CTTNBP2: variants seen among roughly 807,000 people sequenced by gnomAD.
CTTNBP2 encodes cortactin binding protein 2.
CTTNBP2 carries 108 observed loss-of-function variants against 156.9 expected under a neutral mutation model. The observed-to-expected ratio is 0.69, with a 90% confidence interval of 0.59 to 0.81. CTTNBP2 has a LOEUF of 0.81. CTTNBP2 is among the 30% of genes least tolerant of loss of function. CTTNBP2 has a pLI of 0.00. For synonymous variants in CTTNBP2, 767 were observed against 751.8 expected (o/e 1.02, Z -0.33); for missense variants, 1,924 against 2,035.4 (o/e 0.95, Z 1.05).
At chr7:117,818,843 A>C (rs1800779353) in intron 2 of CTTNBP2, among the ~76,000 whole-genome samples, 1 of 152,222 alleles carries the variant, frequency 6.6e-6, no homozygotes, top group Non-Finnish European at 1.5e-5. Context: ...CCAAGGAATA[A>C]AATTATGGCT....
chr7:117,796,348 C>T (rs189430566), intron 3 of CTTNBP2, among the ~76,000 whole-genome samples: 2 of 152,040 alleles, frequency 1.3e-5, no homozygotes, highest in Admixed American at 6.5e-5. Context: ...AATCTTTGAC[C>T]ATTTCAGCTC....
intron 4 of CTTNBP2, among the ~76,000 whole-genome samples, chr7:117,788,811 G>A (rs1389197139): frequency 3.3e-5 from 5 of 152,042 alleles, no homozygotes; most frequent in African/African-American, 7.2e-5. Flanking sequence ...CAGTGCCTCC[G>A]TTCTCCCTTA....
intron 9 of CTTNBP2, among the ~76,000 whole-genome samples, chr7:117,762,774 C>T (rs1231008329): frequency 1.3e-5 from 2 of 152,168 alleles, no homozygotes; most frequent in African/African-American, 4.8e-5. Context: ...GATCAGGCCA[C>T]GCTCCACCCT....
At chr7:117,842,885 G>A (rs1802359744) in intron 2 of CTTNBP2, among the ~76,000 whole-genome samples, 1 of 152,200 alleles carries the variant, frequency 6.6e-6, no homozygotes, top group Admixed American at 6.5e-5. Flanking sequence ...TGACAGAGCA[G>A]TGAACAGAAT....
intron 17 of CTTNBP2, among the ~76,000 whole-genome samples, chr7:117,725,488 C>T (rs1795040869): frequency 6.6e-6 from 1 of 152,194 alleles, no homozygotes; most frequent in Non-Finnish European, 1.5e-5. Context: ...TTACATGTCT[C>T]TCTCAATGTA....
In CTTNBP2 at chr7:117,767,176, T is replaced by A; in HGVS notation, c.2779A>T (p.Asn927Tyr). The A allele has an allele frequency of 6.4e-7, 1 of 1,556,854 alleles. No individual in the cohort carries two copies. The highest frequency in any genetic ancestry group is 8.9e-7 in the Non-Finnish European group (1 of 1,127,704). The change falls in exon 9 of 23, where the codon AAC becomes TAC. Residue 927 changes from asparagine (N) to tyrosine (Y), a missense_variant and splice_region_variant. Coordinates refer to ENST00000160373, the MANE Select transcript of CTTNBP2 (RefSeq NM_033427.3). ...TGCCTACACAAGATTTCTAGGCAGT[T>A]CTATAAAGACAAGAGCTCTATTACC... ...AHIAASKGFKNCLEILCRHGG... is the reference protein window; with the variant it reads ...AHIAASKGFKYCLEILCRHGG...
chr7:117,801,583 A>G (rs1322137865), intron 3 of CTTNBP2, among the ~76,000 whole-genome samples: 1 of 152,262 alleles, frequency 6.6e-6, no homozygotes, highest in Non-Finnish European at 1.5e-5. Context: ...TGTTTCAATT[A>G]TAAATTTCCT....
At chr7:117,869,707 G>A (rs532276728) in intron 1 of CTTNBP2, among the ~76,000 whole-genome samples, 2 of 152,068 alleles carry the variant, frequency 1.3e-5, no homozygotes, top group Admixed American at 1.3e-4. Context: ...TTGCTGCTGT[G>A]AGAAATACAA....
intron 14 of CTTNBP2, among the ~76,000 whole-genome samples, chr7:117,740,116 C>T (rs575722617): frequency 1.3e-5 from 2 of 151,862 alleles, no homozygotes; most frequent in Admixed American, 1.3e-4. Context: ...TATGACATGA[C>T]CCTCTCTCAA....
chr7:117,845,781 G>A (rs111962594), intron 2 of CTTNBP2, among the ~76,000 whole-genome samples: 6 of 152,170 alleles, frequency 3.9e-5, no homozygotes, highest in Admixed American at 1.3e-4. Context: ...ATGGTGTAAC[G>A]AATGTGATCT....
chr7:117,744,023 A>G (rs58931851), intron 14 of CTTNBP2, among the ~76,000 whole-genome samples: 1 of 150,924 alleles, frequency 6.6e-6, no homozygotes, highest in African/African-American at 2.4e-5. Context: ...TTTCTTTTTT[A>G]AAAAAAAATT....
intron 11 of CTTNBP2, 29 bp from the exon 12 acceptor site, chr7:117,756,663 G>A (rs750890058): frequency 7.2e-7 from 1 of 1,384,972 alleles, no homozygotes; most frequent in Non-Finnish European, 1.0e-6. Context: ...GAAGAAAAAT[G>A]GGTGTTCCCT....
In CTTNBP2 at chr7:117,734,982, C is replaced by A; in HGVS notation, c.3807G>T (p.Gln1269His). The A allele has an allele frequency of 1.2e-6, 2 of 1,614,178 alleles. No homozygotes were observed. The highest frequency in any genetic ancestry group is 2.2e-5 in the South Asian group (2 of 91,090). Reference sequence around the variant, plus strand: ...GCATGGGCTCGCCATCCCACCGCAGCTGCACCCAGCGGAAATGCTGCTGCA... The same window carrying A: ...GCATGGGCTCGCCATCCCACCGCAGATGCACCCAGCGGAAATGCTGCTGCA... ...LLVQQHFRWV[Q>H]LRWDGEPMQG... The change falls in exon 16 of 23, where the codon CAG becomes CAT. Residue 1269 changes from glutamine to histidine, a missense_variant. Transcript: ENST00000160373.
At chr7:117,737,773 AGTAACCATGTTG>A (rs564090010) in intron 14 of CTTNBP2, among the ~76,000 whole-genome samples, 168 of 152,098 alleles carry the variant, frequency 1.1e-3, no homozygotes, top group African/African-American at 3.9e-3. Context: ...TAGAGATGGG[AGTAACCATGTTG>A]GTCAGGCTGG....
chr7:117,717,971 C>A (rs1184271945), intron 22 of CTTNBP2, 47 bp downstream of exon 22: 2 of 1,180,398 alleles, frequency 1.7e-6, no homozygotes, highest in South Asian at 1.2e-5. Context: ...GAAGTCAATT[C>A]CACAGCAATC....
intron 2 of CTTNBP2, among the ~76,000 whole-genome samples, chr7:117,823,541 G>A (rs1801100381): frequency 6.6e-6 from 1 of 152,108 alleles, no homozygotes; most frequent in Non-Finnish European, 1.5e-5. Context: ...TGCTAAAGCA[G>A]GTCTCAATCC....
Position 117,873,387 on chromosome 7 carries a change from G to C in CTTNBP2, c.29C>G (p.Pro10Arg), listed in dbSNP as rs767007547. 7 of 1,489,648 alleles carry C rather than the reference G, an allele frequency of 4.7e-6. No individual in the cohort carries two copies. The highest frequency in any genetic ancestry group is 2.8e-5 in the East Asian group (1 of 35,284). 92.3% of individuals were successfully genotyped at this position (1,489,648 alleles called of 1,614,324 possible). Residue 10 changes from proline (P) to arginine (R), a missense_variant, in exon 1 of 23, where the codon CCC (proline) becomes CGC (arginine). Pro to Arg is a moderately radical substitution (Grantham distance 103, BLOSUM62 -2). Coordinates refer to ENST00000160373, the MANE Select transcript of CTTNBP2 (RefSeq NM_033427.3). Reference sequence around the variant, plus strand: ...GTCCTCCGGGGCCCGGGACAAGTCGGGCTCGCAGCTCGCGCCGTCCGTCGC... The same window carrying C: ...GTCCTCCGGGGCCCGGGACAAGTCGCGCTCGCAGCTCGCGCCGTCCGTCGC... MATDGASCE[P>R]DLSRAPEDAA...
At chr7:117,724,900 C>CATT (rs1437532738) in intron 18 of CTTNBP2, 152 bp downstream of exon 18, 1 of 995,560 alleles carries the variant, frequency 1.0e-6, no homozygotes, top group African/African-American at 1.6e-5. Flanking sequence ...AGAATTCAAA[C>CATT]ATTAACCAGT....
intron 3 of CTTNBP2, among the ~76,000 whole-genome samples, chr7:117,802,320 C>T (rs552937220): frequency 3.3e-5 from 5 of 151,450 alleles, no homozygotes; most frequent in South Asian, 2.1e-4. Flanking sequence ...TGGACCCACA[C>T]CTTTCAACAT....
Sources: allele counts gnomAD v4.1 joint callset (sites outside exome capture counted in the v4.1 genomes callset), GRCh38; gene constraint gnomAD v4.1.1; transcripts MANE v1.5; gene names NCBI Gene and HGNC (gene_info 2026-07-23, HGNC 2026-07-21).